Variants in GASK1A observed in about 807,000 individuals in gnomAD.
GASK1A encodes golgi associated kinase 1A.
A neutral mutation model predicts 41.2 loss-of-function variants in GASK1A; 40 were observed. The observed-to-expected ratio is 0.97, with a 90% CI of 0.75 to 1.27. GASK1A has a LOEUF of 1.27. GASK1A is among the 50% of genes most tolerant of loss of function. The pLI, the probability that GASK1A is intolerant of heterozygous loss-of-function variation, is 0.00. For missense variants in GASK1A, 678 were observed against 745.1 expected (o/e 0.91, Z 1.05); for synonymous variants, 316 against 307.1 (o/e 1.03, Z -0.30).
chr3:42,982,911 C>T (rs1348047778), intron 1 of GASK1A, among the ~76,000 whole-genome samples: 1 of 152,162 alleles, frequency 6.6e-6, no homozygotes, highest in African/African-American at 2.4e-5. Context: ...CTTGGGAGAA[C>T]CAAGAGCTAA....
chr3:43,055,319 C>T (rs1575454455), intron 3 of GASK1A, 113 bp from the exon 4 acceptor site: 2 of 692,476 alleles, frequency 2.9e-6, no homozygotes, highest in Admixed American at 2.4e-5. Context: ...TTAGGATGGA[C>T]TGTGGGACTG....
chr3:42,980,194 G>C (rs2089275689), intron 1 of GASK1A, among the ~76,000 whole-genome samples: 1 of 152,194 alleles, frequency 6.6e-6, no homozygotes, highest in Non-Finnish European at 1.5e-5. Flanking sequence ...CAGGAGGACT[G>C]TTGGGCAGAT....
chr3:43,020,688 G>A lies in GASK1A; in HGVS notation c.4-11579G>A, dbSNP rs114532590. Reference sequence around the variant, plus strand: ...ATATTTTGGTAATAGGAGTTGGGTAGGCTGGGCCTGGTGAGCATGGCTGGG... The same window carrying A: ...ATATTTTGGTAATAGGAGTTGGGTAAGCTGGGCCTGGTGAGCATGGCTGGG... On this transcript the variant is annotated intron_variant, in intron 1 of 4. Coordinates refer to ENST00000430121, the MANE Select transcript of GASK1A (RefSeq NM_001129908.3). Among the ~76,000 whole-genome samples, 854 of 152,364 alleles carry A rather than the reference G, an allele frequency of 5.6e-3. 6 individuals carry two copies. Among genetic ancestry groups the A allele is most frequent in the Admixed American group, 0.012 (187 of 15,308 alleles).
At chr3:42,987,437 A>G (rs2089317774) in intron 1 of GASK1A, among the ~76,000 whole-genome samples, 1 of 152,208 alleles carries the variant, frequency 6.6e-6, no homozygotes, top group Non-Finnish European at 1.5e-5. Flanking sequence ...CAAAGGCAAA[A>G]AGGAAAAAAA....
intron 1 of GASK1A, among the ~76,000 whole-genome samples, chr3:42,981,850 A>G (rs1246173091): frequency 6.6e-6 from 1 of 152,146 alleles, no homozygotes; most frequent in Non-Finnish European, 1.5e-5. Context: ...ATCACATGCT[A>G]TATCTCTTTG....
intron 1 of GASK1A, among the ~76,000 whole-genome samples, chr3:43,007,334 C>A (rs1455993472): frequency 6.6e-6 from 1 of 152,182 alleles, no homozygotes; most frequent in African/African-American, 2.4e-5. Flanking sequence ...CCCCACTGCC[C>A]TCAACTGTCC....
chr3:43,045,241 A>G (rs1368352303), intron 2 of GASK1A, among the ~76,000 whole-genome samples: 1 of 152,028 alleles, frequency 6.6e-6, no homozygotes, highest in Non-Finnish European at 1.5e-5. Context: ...CCTGGATTCT[A>G]TCCAAGCCAT....
chr3:43,024,255 A>T (rs2089535462), intron 1 of GASK1A, among the ~76,000 whole-genome samples: 1 of 151,878 alleles, frequency 6.6e-6, no homozygotes, highest in African/African-American at 2.4e-5. Context: ...CTGCTCTATC[A>T]CCTATAGCCC....
chr3:43,011,732 ATCACAGGAAGGAACT>A, intron 1 of GASK1A, among the ~76,000 whole-genome samples: 1 of 150,512 alleles, frequency 6.6e-6, no homozygotes, highest in South Asian at 2.1e-4. Flanking sequence ...GCTACGTGAC[ATCACAGGAAGGAACT>A]GTGTGAAGCC....
chr3:42,980,253 T>C (rs2125670704), intron 1 of GASK1A, among the ~76,000 whole-genome samples: 1 of 152,260 alleles, frequency 6.6e-6, no homozygotes, highest in Admixed American at 6.5e-5. Flanking sequence ...CAGGATCTTG[T>C]GGACGTGGCC....
chr3:43,020,619 T>C (rs946720454), intron 1 of GASK1A, among the ~76,000 whole-genome samples: 5 of 152,234 alleles, frequency 3.3e-5, no homozygotes, highest in African/African-American at 4.8e-5. Flanking sequence ...TAATGTTGCA[T>C]AACAAATAGC....
intron 3 of GASK1A, chr3:43,054,118 A>G (rs1575454067): frequency 3.6e-6 from 1 of 278,394 alleles, no homozygotes; most frequent in Non-Finnish European, 7.1e-6. Flanking sequence ...CCAGGGTGGG[A>G]AGCAATGTGC....
intron 1 of GASK1A, among the ~76,000 whole-genome samples, chr3:42,995,716 G>A (rs1000537774): frequency 6.6e-6 from 1 of 152,166 alleles, no homozygotes; most frequent in African/African-American, 2.4e-5. Context: ...ACATGCACAG[G>A]GAAGGCACAG....
intron 1 of GASK1A, among the ~76,000 whole-genome samples, chr3:43,028,037 C>G (rs774097537): frequency 1.3e-5 from 2 of 152,172 alleles, no homozygotes; most frequent in Non-Finnish European, 2.9e-5. Context: ...TTCAAAGATT[C>G]TCTGATTGGT....
In GASK1A at chr3:43,032,963, G is replaced by A. The variant is rs1413332912; in HGVS notation, c.700G>A (p.Glu234Lys). ...SGAHQWPGSV[E>K]KLQGSVWCDA... Reference sequence around the variant, plus strand: ...AGCTCATCAGTGGCCTGGCTCTGTTGAGAAGCTGCAAGGGTCAGTATGGTG... The same window carrying A: ...AGCTCATCAGTGGCCTGGCTCTGTTAAGAAGCTGCAAGGGTCAGTATGGTG... Residue 234 changes from glutamate to lysine, a missense_variant, in exon 2 of 5, where the codon GAG becomes AAG. Physicochemically the swap from Glu to Lys is moderately conservative, Grantham distance 56 (BLOSUM62 1). Coordinates refer to ENST00000430121, the MANE Select transcript of GASK1A (RefSeq NM_001129908.3). 6.4e-7 allele frequency: 1 copy of A among 1,550,922 alleles called. No individual in the cohort carries two copies. Among genetic ancestry groups the A allele is most frequent in the East Asian group, 2.4e-5 (1 of 40,882 alleles).
chr3:43,026,648 G>C (rs951562132), intron 1 of GASK1A, among the ~76,000 whole-genome samples: 1 of 152,088 alleles, frequency 6.6e-6, no homozygotes, highest in African/African-American at 2.4e-5. Flanking sequence ...AACAGAAAGG[G>C]TGAATAAATA....
intron 1 of GASK1A, among the ~76,000 whole-genome samples, chr3:43,004,610 G>C (rs1350027716): frequency 1.3e-5 from 2 of 152,058 alleles, no homozygotes; most frequent in Admixed American, 6.5e-5. Context: ...TCTCAGTTTT[G>C]ACCATTATTT....
intron 1 of GASK1A, among the ~76,000 whole-genome samples, chr3:43,021,138 T>G (rs1303031278): frequency 6.6e-6 from 1 of 152,164 alleles, no homozygotes; most frequent in African/African-American, 2.4e-5. Flanking sequence ...AGCTTCTCAG[T>G]GGGCTGGGCT....
intron 1 of GASK1A, among the ~76,000 whole-genome samples, chr3:43,001,530 A>G (rs2089409076): frequency 6.6e-6 from 1 of 152,226 alleles, no homozygotes. Context: ...GAGCTTGCCT[A>G]TTTGTTTGTG....
Sources: gnomAD v4.1 joint callset for allele counts (sites outside exome capture counted in the v4.1 genomes callset) on GRCh38, gnomAD v4.1.1 for gene constraint, MANE v1.5 for transcripts, NCBI Gene and HGNC (gene_info 2026-07-23, HGNC 2026-07-21) for gene names.